Variants in DOCK8 observed in about 807,000 individuals in gnomAD.
DOCK8 encodes the protein dedicator of cytokinesis protein 8.
In DOCK8, 141 loss-of-function variants were observed where a neutral mutation model predicts 245.6. The observed-to-expected ratio is 0.57, with a 90% confidence interval of 0.50 to 0.66. The LOEUF (loss-of-function observed/expected upper bound fraction) is 0.66, where lower values mean the gene tolerates loss of function less well. Among genes scored for constraint, DOCK8 ranks in the 30% least tolerant of loss-of-function variants. The pLI is 0.00. For synonymous variants in DOCK8, 1,168 were observed against 970.2 expected, an observed-to-expected ratio of 1.20 and a Z score of -3.79; for missense variants, 2,965 against 2,603.4, an observed-to-expected ratio of 1.14 and a Z score of -3.02.
chr9:287,271 A>G (rs1032486560), intron 3 of DOCK8, among the ~76,000 whole-genome samples: 3 of 152,286 alleles, frequency 2.0e-5, no homozygotes, highest in East Asian at 1.9e-4. Context: ...TGGCTCTTCT[A>G]TATGTTTATA....
intron 1 of DOCK8, among the ~76,000 whole-genome samples, chr9:271,420 T>C (rs1293336478): frequency 6.6e-6 from 1 of 152,182 alleles, no homozygotes; most frequent in East Asian, 1.9e-4. Flanking sequence ...GCAGGCATCA[T>C]GGCCTCTGTG....
intron 4 of DOCK8, among the ~76,000 whole-genome samples, chr9:297,065 T>C (rs1453271242): frequency 6.6e-6 from 1 of 152,078 alleles, no homozygotes; most frequent in Non-Finnish European, 1.5e-5. Flanking sequence ...CTTGTTCTGA[T>C]GCACCTTATG....
intron 1 of DOCK8, among the ~76,000 whole-genome samples, chr9:245,507 C>G (rs2047486425): frequency 6.6e-6 from 1 of 152,074 alleles, no homozygotes; most frequent in Non-Finnish European, 1.5e-5. Context: ...CATGCCCGGC[C>G]AATAGTTTCT....
intron 1 of DOCK8, among the ~76,000 whole-genome samples, chr9:238,584 A>G (rs1255912361): frequency 6.6e-6 from 1 of 152,206 alleles, no homozygotes; most frequent in East Asian, 1.9e-4. Flanking sequence ...TCCTCACTTA[A>G]TGTTGTCAGT....
intron 2 of DOCK8, among the ~76,000 whole-genome samples, chr9:274,314 A>T (rs2048257342): frequency 1.3e-5 from 2 of 152,160 alleles, no homozygotes; most frequent in African/African-American, 4.8e-5. Flanking sequence ...TTCTATTTGC[A>T]TGTGAATATC....
chr9:414,682 C>G, intron 28 of DOCK8, 100 bp from the exon 29 acceptor site: 3 of 1,442,766 alleles, frequency 2.1e-6, no homozygotes, highest in Non-Finnish European at 2.9e-6. Flanking sequence ...TCACAGTCAC[C>G]TCATTGCTTA....
chr9:259,706 C>G (rs1316231775), intron 1 of DOCK8, among the ~76,000 whole-genome samples: 1 of 152,210 alleles, frequency 6.6e-6, no homozygotes, highest in African/African-American at 2.4e-5. Context: ...CTTCTGCAAT[C>G]CTAATAATCA....
At chr9:273,769 C>A (rs1468620623) in intron 2 of DOCK8, among the ~76,000 whole-genome samples, 1 of 150,738 alleles carries the variant, frequency 6.6e-6, no homozygotes, top group Admixed American at 6.6e-5. Context: ...CTCATCGCAA[C>A]CTCTGCCTCC....
chr9:412,853 T>G (rs1405192716), intron 28 of DOCK8, among the ~76,000 whole-genome samples: 4 of 150,500 alleles, frequency 2.7e-5, no homozygotes, highest in African/African-American at 9.9e-5. Context: ...TTAAATGCAG[T>G]TCTTCTCAGA....
chr9:217,766 T>G (rs1372644389), intron 1 of DOCK8, among the ~76,000 whole-genome samples: 4 of 152,224 alleles, frequency 2.6e-5, no homozygotes, highest in Non-Finnish European at 5.9e-5. Flanking sequence ...GATTAAATTC[T>G]CACAAAAAGC....
chr9:281,820 G>A (rs1347399366), intron 2 of DOCK8, among the ~76,000 whole-genome samples: 1 of 152,218 alleles, frequency 6.6e-6, no homozygotes, highest in East Asian at 1.9e-4. Flanking sequence ...CCACCCACTT[G>A]CCAAGGGCAA....
intron 1 of DOCK8, among the ~76,000 whole-genome samples, chr9:217,260 A>G (rs1232456422): frequency 6.6e-6 from 1 of 152,206 alleles, no homozygotes; most frequent in African/African-American, 2.4e-5. Context: ...TGCTGTCATT[A>G]TCTCCATCAT....
chr9:226,920 T>C (rs2047002014), intron 1 of DOCK8, among the ~76,000 whole-genome samples: 1 of 152,212 alleles, frequency 6.6e-6, no homozygotes, highest in Non-Finnish European at 1.5e-5. Flanking sequence ...AAGTTTTTAA[T>C]AGCCAGAAAG....
intron 1 of DOCK8, among the ~76,000 whole-genome samples, chr9:225,256 A>C (rs1225188947): frequency 6.6e-6 from 1 of 152,038 alleles, no homozygotes; most frequent in East Asian, 1.9e-4. Flanking sequence ...AAGGACAAAA[A>C]CTCAGAGAGA....
rs78686147 is a variant in DOCK8 at position 405,505 on chromosome 9, C to G, written c.3390+432C>G. Among the ~76,000 whole-genome samples the G allele has an allele frequency of 9.7e-3, 1,478 of 152,202 alleles. 17 individuals are homozygous for G. Among genetic ancestry groups the G allele is most frequent in the African/African-American group, 0.033 (1,364 of 41,514 alleles). ...CTTGTTCATGTCAATTGCAAATGCACGAGAAGCAGAAGAGGAAATGGGAGG... is the reference window on the plus strand; with the variant it reads ...CTTGTTCATGTCAATTGCAAATGCAGGAGAAGCAGAAGAGGAAATGGGAGG... On this transcript the variant is annotated intron_variant, in intron 27 of 47. Coordinates refer to ENST00000432829, the MANE Select transcript of DOCK8 (RefSeq NM_203447.4).
At chr9:251,762 A>C (rs2047652443) in intron 1 of DOCK8, among the ~76,000 whole-genome samples, 1 of 152,204 alleles carries the variant, frequency 6.6e-6, no homozygotes, top group African/African-American at 2.4e-5. Context: ...GCTAACGATC[A>C]GACAGAAAGC....
chr9:361,691 A>G (rs1300976643), intron 14 of DOCK8, among the ~76,000 whole-genome samples: 1 of 151,856 alleles, frequency 6.6e-6, no homozygotes, highest in Non-Finnish European at 1.5e-5. Flanking sequence ...ATCAGCAAAT[A>G]TTTTTTCTTT....
At chr9:454,317 C>CT (rs1299445251) in intron 46 of DOCK8, 1 of 152,126 alleles carries the variant, frequency 6.6e-6, no homozygotes, top group African/African-American at 2.4e-5. Flanking sequence ...ATTCACATAA[C>CT]TTTTATTTCA....
chr9:379,938 A>G lies in DOCK8; in HGVS notation c.2605+3A>G, dbSNP rs984517022. ...GCAAAGGGATGTGCCCAAGTCAGGT[A>G]GAGTTGCCCTGAGTGTGGGACTCTG... is the stretch of plus-strand genomic sequence containing the variant. On this transcript the variant is annotated splice_donor_region_variant and intron_variant, in intron 21 of 47. Coordinates refer to ENST00000432829, the MANE Select transcript of DOCK8 (RefSeq NM_203447.4). 1 of 1,613,668 alleles carries G rather than the reference A, an allele frequency of 6.2e-7. No homozygotes were observed. The highest frequency in any genetic ancestry group is 8.5e-7 in the Non-Finnish European group (1 of 1,179,930).
Sources: allele counts gnomAD v4.1 joint callset (sites outside exome capture counted in the v4.1 genomes callset), GRCh38; gene constraint gnomAD v4.1.1; transcripts MANE v1.5; gene names NCBI Gene and HGNC (gene_info 2026-07-23, HGNC 2026-07-21).